RBM5: variants seen among roughly 807,000 people sequenced by gnomAD.
The protein encoded by RBM5 is RNA binding motif protein 5.
In RBM5, 15 loss-of-function variants were observed where a neutral mutation model predicts 124.6. The observed-to-expected ratio is 0.12, with a 90% CI of 0.08 to 0.19. The LOEUF (loss-of-function observed/expected upper bound fraction) is 0.19, where lower values mean the gene tolerates loss of function less well. Among genes scored for constraint, RBM5 ranks in the 10% least tolerant of loss-of-function variants. RBM5 has a pLI of 1.00. For synonymous variants in RBM5, 337 were observed against 361.2 expected, an observed-to-expected ratio of 0.93 and a Z score of 0.76; for missense variants, 580 against 1,026.5, an observed-to-expected ratio of 0.57 and a Z score of 5.94.
At chr3:50,116,514 G>A (rs2091256404) in intron 22 of RBM5, 1 of 171,086 alleles carries the variant, frequency 5.8e-6, no homozygotes, top group Admixed American at 5.5e-5. Flanking sequence ...AATGCAAATA[G>A]AGGCCTGTGG....
At chr3:50,097,231 T>A (rs1393256467) in intron 4 of RBM5, among the ~76,000 whole-genome samples, 2 of 151,982 alleles carry the variant, frequency 1.3e-5, no homozygotes, top group Non-Finnish European at 2.9e-5. Context: ...CTGTCTCTAC[T>A]AAAACTACAA....
rs777357929 is a variant in RBM5 at position 50,117,348 on chromosome 3, G to T, written c.2291G>T (p.Arg764Leu). 1 of 1,614,182 alleles carries T rather than the reference G, an allele frequency of 6.2e-7. No homozygotes were observed. The highest frequency in any genetic ancestry group is 1.7e-5 in the Admixed American group (1 of 60,014). Residue 764 changes from arginine (R) to leucine (L), a missense_variant, in exon 24 of 25, where the codon CGA becomes CTA. Physicochemically the swap from Arg to Leu is moderately radical, Grantham distance 102 (BLOSUM62 -2). This residue lies in a region of RBM5 where 234 missense variants were observed against 435.1 expected (regional missense o/e 0.54). Coordinates refer to ENST00000347869, the MANE Select transcript of RBM5 (RefSeq NM_005778.4). This position sits in a 1 kb window ranked among gnomAD's most constrained non-coding sequence, Gnocchi z 4.2. Reference sequence around the variant, plus strand: ...TGGCGGGAAGGCTCTGGCTTGGGACGAAAGTGTCAAGGCATTACGGCTCCC... The same window carrying T: ...TGGCGGGAAGGCTCTGGCTTGGGACTAAAGTGTCAAGGCATTACGGCTCCC... ...MGWREGSGLG[R>L]KCQGITAPIE...
intron 3 of RBM5, chr3:50,093,047 G>T: frequency 4.7e-6 from 1 of 211,100 alleles, no homozygotes; most frequent in Middle Eastern, 2.1e-3. Context: ...GCTGAGGTAC[G>T]AGAATTGCTT....
intron 21 of RBM5, 64 bp from the exon 22 acceptor site, chr3:50,115,842 T>C (rs1422821364): frequency 7.0e-7 from 1 of 1,436,828 alleles, no homozygotes; most frequent in African/African-American, 1.4e-5. Flanking sequence ...ATGTTACTAA[T>C]GTTAGGACAT....
intron 3 of RBM5, among the ~76,000 whole-genome samples, chr3:50,092,449 T>G (rs1035426370): frequency 2.0e-5 from 3 of 151,280 alleles, no homozygotes; most frequent in African/African-American, 7.3e-5. Flanking sequence ...TAATCCCAGC[T>G]ACTTGGGAGA....
intron 17 of RBM5, chr3:50,113,130 G>A (rs1187848127): frequency 3.2e-5 from 9 of 278,508 alleles, no homozygotes; most frequent in South Asian, 3.1e-4. Context: ...CTAGGATTAC[G>A]GGCATGAGCC....
chr3:50,105,280 C>T lies in RBM5; in HGVS notation c.694+138C>T, dbSNP rs748315442. On this transcript the variant is annotated intron_variant, in intron 9 of 24. Transcript: ENST00000347869. ...AAAATTAGCTGGGTGTGGTGGCACA[C>T]ACCTGTAATCCCAGCTACTCCGTCT... is the stretch of plus-strand genomic sequence containing the variant. 65 of 698,522 alleles carry T rather than the reference C, an allele frequency of 9.3e-5. No individual in the cohort carries two copies. The East Asian group carries it at 1.8e-3, about 19-fold the overall frequency. The allele number at this position is 698,522 out of a possible 1,614,324, so 43.3% of individuals were successfully genotyped here. A position where few individuals can be genotyped will look rare whatever the true frequency, so the allele number is the denominator to read the frequency against.
intron 4 of RBM5, among the ~76,000 whole-genome samples, chr3:50,098,528 C>G (rs1049820624): frequency 4.6e-5 from 7 of 151,962 alleles, no homozygotes; most frequent in Admixed American, 4.6e-4. Flanking sequence ...CTGCAACCTC[C>G]GCCTCCCGGG....
chr3:50,099,257 A>G (rs2090890072), intron 4 of RBM5, among the ~76,000 whole-genome samples: 1 of 146,752 alleles, frequency 6.8e-6, no homozygotes, highest in African/African-American at 2.6e-5. Flanking sequence ...CCCTGTCTCA[A>G]AAAAAAAAAA....
At chr3:50,108,663 C>T (rs1479883062) in intron 14 of RBM5, among the ~76,000 whole-genome samples, 3 of 151,836 alleles carry the variant, frequency 2.0e-5, no homozygotes, top group East Asian at 3.9e-4. Context: ...GCTGAGATTG[C>T]GCCACTGCAC....
chr3:50,106,007 C>T (rs895084357), intron 10 of RBM5, among the ~76,000 whole-genome samples: 4 of 149,724 alleles, frequency 2.7e-5, no homozygotes, highest in Admixed American at 6.7e-5. Context: ...GGCTGGAGTG[C>T]GGTGGCACCA....
intron 4 of RBM5, among the ~76,000 whole-genome samples, chr3:50,096,790 A>G (rs1291161597): frequency 1.4e-5 from 2 of 141,892 alleles, no homozygotes; most frequent in Admixed American, 1.4e-4. Flanking sequence ...TTTTTTTTGT[A>G]GAGACAAGGT....
At chr3:50,096,422 A>G (rs1436319317) in intron 4 of RBM5, among the ~76,000 whole-genome samples, 2 of 151,964 alleles carry the variant, frequency 1.3e-5, no homozygotes, top group Non-Finnish European at 2.9e-5. Flanking sequence ...TAGGAGGTCA[A>G]GGGTACAGTG....
At chr3:50,098,770 G>A (rs1179742927) in intron 4 of RBM5, among the ~76,000 whole-genome samples, 11 of 151,934 alleles carry the variant, frequency 7.2e-5, no homozygotes, top group Non-Finnish European at 2.9e-5. Context: ...TATACAGATG[G>A]GGTCTTACTG....
At position 50,104,340 on chromosome 3, in the gene RBM5, A is replaced by G. The variant is rs764660025; in HGVS notation, c.628+32A>G. 16 of 1,600,840 alleles carry G rather than the reference A, an allele frequency of 1.0e-5. No homozygotes were observed. The African/African-American group carries it at 1.7e-4, about 17-fold the overall frequency. ...CTGGATTCAGCTGTTTGCAATATGCATTAAAACCTACTAACTGGGGCAGGG... is the reference window on the plus strand; with the variant it reads ...CTGGATTCAGCTGTTTGCAATATGCGTTAAAACCTACTAACTGGGGCAGGG... On this transcript the variant is annotated intron_variant, in intron 8 of 24. Coordinates refer to ENST00000347869, the MANE Select transcript of RBM5 (RefSeq NM_005778.4).
At chr3:50,101,943 T>C (rs1053500851) in intron 6 of RBM5, 2 of 152,206 alleles carry the variant, frequency 1.3e-5, no homozygotes, top group Non-Finnish European at 2.9e-5. Context: ...TATATCACAG[T>C]GAGTGGATGG....
intron 3 of RBM5, 146 bp from the exon 4 acceptor site, chr3:50,093,573 CA>C (rs879508881): frequency 0.032 from 21,194 of 652,514 alleles, no homozygotes; most frequent in South Asian, 0.054. Context: ...ACCCCTGTCT[CA>C]AAAAAAAAAA....
At chr3:50,095,617 C>T (rs1034477948) in intron 4 of RBM5, among the ~76,000 whole-genome samples, 2 of 151,716 alleles carry the variant, frequency 1.3e-5, no homozygotes, top group African/African-American at 4.8e-5. Context: ...CCTTTTTCTG[C>T]TTGGAGACGC....
chr3:50,109,674 C>A lies in RBM5; in HGVS notation c.1264C>A (p.Pro422Thr), dbSNP rs775209715. ...SPQLYNQTSN[P>T]PGSPTEEAQP... is the part of the protein sequence containing the mutation. ...TCAGCTGTATAATCAAACCTCCAAT[C>A]CACCTGGCTCTCCGGTAATCCTGTT... Residue 422 changes from proline (P) to threonine (T), a missense_variant, in exon 15 of 25, where the codon CCA becomes ACA. By Grantham distance (38) the Pro-to-Thr change is conservative (BLOSUM62 -1). Coordinates refer to ENST00000347869, the MANE Select transcript of RBM5 (RefSeq NM_005778.4). 7.4e-6 allele frequency: 12 copies of A among 1,613,312 alleles called. No individual in the cohort carries two copies. Among genetic ancestry groups the A allele is most frequent in the Middle Eastern group, 3.3e-4 (2 of 6,084 alleles).
Sources: allele counts gnomAD v4.1 joint callset (sites outside exome capture counted in the v4.1 genomes callset), GRCh38; gene constraint gnomAD v4.1.1; regional missense constraint gnomAD v4.1.1; non-coding constraint Gnocchi (gnomAD v3.1); transcripts MANE v1.5; gene names NCBI Gene and HGNC (gene_info 2026-07-23, HGNC 2026-07-21).